Variants in ICE1 observed in about 807,000 individuals in gnomAD.
The protein encoded by ICE1 is interactor of little elongation complex ELL subunit 1.
Under a neutral mutation model 192.7 loss-of-function variants are expected in ICE1, and 64 were observed. The observed-to-expected ratio is 0.33, with a 90% CI of 0.27 to 0.41. ICE1 has a LOEUF of 0.41. ICE1 is among the 10% of genes least tolerant of loss of function. The pLI, the probability that ICE1 is intolerant of heterozygous loss-of-function variation, is 1.00. For missense variants in ICE1, 2,708 were observed against 2,696.0 expected (o/e 1.00, Z -0.10); for synonymous variants, 1,010 against 984.5 (o/e 1.03, Z -0.49).
intron 15 of ICE1, among the ~76,000 whole-genome samples, chr5:5,472,663 G>T (rs916009812): frequency 1.3e-5 from 2 of 152,102 alleles, no homozygotes; most frequent in African/African-American, 4.8e-5. Flanking sequence ...AACCTTTCAG[G>T]ATATATATGG....
At chr5:5,449,293 G>A (rs1257724040) in intron 10 of ICE1, among the ~76,000 whole-genome samples, 1 of 152,008 alleles carries the variant, frequency 6.6e-6, no homozygotes, top group East Asian at 1.9e-4. Context: ...ACCTTGATGG[G>A]TTTATCCTTA....
At chr5:5,455,714 C>G (rs1419945790) in intron 11 of ICE1, among the ~76,000 whole-genome samples, 1 of 152,100 alleles carries the variant, frequency 6.6e-6, no homozygotes, top group East Asian at 1.9e-4. Flanking sequence ...TTTTTATTTT[C>G]ATATGAGGAT....
At position 5,476,091 on chromosome 5, in the gene ICE1, G is replaced by C; in HGVS notation, c.6520+12G>C. ...ACTGAGGCTGATTGGTAAGTTGTCT[G>C]TTTTATTATTGTTTTTTTCTTGTTA... On this transcript the variant is annotated intron_variant, in intron 17 of 18. Transcript: ENST00000296564. 2 of 1,467,344 alleles carry C rather than the reference G, an allele frequency of 1.4e-6. No individual in the cohort carries two copies. The highest frequency in any genetic ancestry group is 1.9e-6 in the Non-Finnish European group (2 of 1,075,604). 90.9% of individuals were successfully genotyped at this position (1,467,344 alleles called of 1,614,324 possible).
intron 15 of ICE1, among the ~76,000 whole-genome samples, chr5:5,470,935 T>G (rs890801853): frequency 6.6e-6 from 1 of 152,210 alleles, no homozygotes; most frequent in African/African-American, 2.4e-5. Context: ...CTCATTAAAG[T>G]ATCTTAAATG....
intron 11 of ICE1, among the ~76,000 whole-genome samples, chr5:5,457,123 T>A (rs1361314780): frequency 6.6e-6 from 1 of 152,228 alleles, no homozygotes; most frequent in African/African-American, 2.4e-5. Flanking sequence ...GTCTCACTTT[T>A]CTTACTGCAA....
At chr5:5,424,079 G>A (rs937482605) in intron 1 of ICE1, among the ~76,000 whole-genome samples, 3 of 152,186 alleles carry the variant, frequency 2.0e-5, no homozygotes, top group African/African-American at 7.2e-5. Flanking sequence ...TTAACAGGTG[G>A]AAAGGTTCCT....
In ICE1 at chr5:5,463,325, T is replaced by C; in HGVS notation, c.3991T>C (p.Ser1331Pro). 1.9e-6 allele frequency: 3 copies of C among 1,613,470 alleles called. No individual in the cohort carries two copies. Among genetic ancestry groups the C allele is most frequent in the Admixed American group, 1.7e-5 (1 of 59,954 alleles). The change falls in exon 13 of 19, where the codon TCT becomes CCT. Residue 1331 changes from serine (S) to proline (P), a missense_variant. This residue lies in a region of ICE1 where 2,366 missense variants were observed against 2,276.6 expected (regional missense o/e 1.04). Coordinates refer to ENST00000296564, the MANE Select transcript of ICE1 (RefSeq NM_015325.3). ...QAAALDTEGS[S>P]PISGMPQNEN... The stretch of plus-strand genomic sequence containing the variant: ...AGCTGCCTTGGACACTGAGGGCAGC[T>C]CTCCCATCAGCGGTATGCCTCAGAA...
chr5:5,452,455 T>TC (rs1738453300), intron 10 of ICE1, among the ~76,000 whole-genome samples: 3 of 152,016 alleles, frequency 2.0e-5, no homozygotes, highest in Non-Finnish European at 4.4e-5. Context: ...AGCAGATGTC[T>TC]AAGAAAAGAC....
At position 5,463,012 on chromosome 5, in the gene ICE1, A is replaced by G. The variant is rs2111381673; in HGVS notation, c.3678A>G (p.Glu1226=). 1 of 1,613,826 alleles carries G rather than the reference A, an allele frequency of 6.2e-7. No individual in the cohort carries two copies. Among genetic ancestry groups the G allele is most frequent in the East Asian group, 2.2e-5 (1 of 44,872 alleles). The change falls in exon 13 of 19, where the codon GAA becomes GAG. Residue 1226 remains glutamate (E), a synonymous_variant. Transcript: ENST00000296564. ...AATACAGAAAGCAACCCTGTGAGGA[A>G]GAAACACTTGGAACCTGTGAAGAGT... is the stretch of plus-strand genomic sequence containing the variant. The part of the protein sequence containing the change: ...GEKYRKQPCE[E]ETLGTCEEWI...
chr5:5,443,998 C>T (rs1452314843), intron 6 of ICE1, among the ~76,000 whole-genome samples: 2 of 152,150 alleles, frequency 1.3e-5, no homozygotes, highest in African/African-American at 4.8e-5. Flanking sequence ...GAAACTTCAG[C>T]TAGTCTCATG....
At chr5:5,476,208 C>T in intron 17 of ICE1, 129 bp downstream of exon 17, 2 of 518,854 alleles carry the variant, frequency 3.9e-6, no homozygotes, top group East Asian at 3.4e-5. Context: ...AGAGTAGATA[C>T]TTTTGTACTT....
chr5:5,485,391 G>A (rs1459046208), intron 17 of ICE1, among the ~76,000 whole-genome samples: 6 of 152,058 alleles, frequency 3.9e-5, no homozygotes, highest in Admixed American at 3.3e-4. Context: ...TTCATTATCT[G>A]TTCTGCATTC....
intron 17 of ICE1, among the ~76,000 whole-genome samples, chr5:5,483,431 G>A (rs1739559907): frequency 6.6e-6 from 1 of 152,220 alleles, no homozygotes; most frequent in Non-Finnish European, 1.5e-5. Context: ...ACAGCAAATG[G>A]TCACAGGATT....
chr5:5,448,658 TA>T (rs138289312), intron 10 of ICE1, among the ~76,000 whole-genome samples: 7,595 of 152,334 alleles, frequency 0.05, 636 homozygotes, highest in East Asian at 0.34. Flanking sequence ...ACTAATGTGT[TA>T]TTTTTTTCTC....
At chr5:5,430,892 T>C (rs1458170462) in intron 1 of ICE1, among the ~76,000 whole-genome samples, 1 of 152,252 alleles carries the variant, frequency 6.6e-6, no homozygotes, top group Admixed American at 6.5e-5. Flanking sequence ...CCTGAAGATA[T>C]TAGTGAGTGC....
intron 16 of ICE1, among the ~76,000 whole-genome samples, chr5:5,475,517 A>C (rs528637533): frequency 1.3e-5 from 2 of 152,332 alleles, no homozygotes; most frequent in Admixed American, 1.3e-4. Context: ...TATCCATCTA[A>C]AGTGTTATTT....
At chr5:5,443,111 G>T in intron 5 of ICE1, 57 bp from the exon 6 acceptor site, 1 of 985,256 alleles carries the variant, frequency 1.0e-6, no homozygotes, top group South Asian at 1.6e-5. Flanking sequence ...AGCAAGTTAT[G>T]ACCAATGGTC....
chr5:5,457,599 T>TTGATCA lies in ICE1; in HGVS notation c.967_972dup (p.Asp323_His324dup), dbSNP rs747902745. 1 of 1,614,014 alleles carries TTGATCA rather than the reference T, an allele frequency of 6.2e-7. No individual in the cohort carries two copies. The highest frequency in any genetic ancestry group is 8.5e-7 in the Non-Finnish European group (1 of 1,179,898). On this transcript the variant is annotated inframe_insertion, in exon 12 of 19. Coordinates refer to ENST00000296564, the MANE Select transcript of ICE1 (RefSeq NM_015325.3). Reference sequence around the variant, plus strand: ...CGTGACGGTGGTAGTACTGAATTTGTTGATCATGATCATTTTTTTGATGAA... The same window carrying TTGATCA: ...CGTGACGGTGGTAGTACTGAATTTGTTGATCATGATCATGATCATTTTTTTGATGAA...
intron 15 of ICE1, among the ~76,000 whole-genome samples, 173 bp downstream of exon 15, chr5:5,469,161 A>T (rs1241740436): frequency 6.6e-6 from 1 of 152,248 alleles, no homozygotes; most frequent in African/African-American, 2.4e-5. Flanking sequence ...TTAAGAATGC[A>T]TGAGACATTC....
Sources: gnomAD v4.1 joint callset for allele counts (sites outside exome capture counted in the v4.1 genomes callset) on GRCh38, gnomAD v4.1.1 for gene constraint, gnomAD v4.1.1 regional missense constraint, MANE v1.5 for transcripts, NCBI Gene and HGNC (gene_info 2026-07-23, HGNC 2026-07-21) for gene names.